TMEM253: variants seen among roughly 807,000 people sequenced by gnomAD.
The protein encoded by TMEM253 is transmembrane protein 253, also known as transmembrane protein C14orf176.
In TMEM253, 22 loss-of-function variants were observed where a neutral mutation model predicts 20.3. The observed-to-expected ratio is 1.08, with a 90% CI of 0.78 to 1.55. The LOEUF (loss-of-function observed/expected upper bound fraction) is 1.55. Among genes scored for constraint, TMEM253 ranks in the 40% most tolerant of loss-of-function variants. The pLI is 0.00. For synonymous variants in TMEM253, 92 were observed against 102.6 expected (o/e 0.90, Z 0.62); for missense variants, 251 against 266.1 (o/e 0.94, Z 0.39).
At chr14:21,099,307 CAAGT>C (rs1889497157), upstream of TMEM253, 2 of 152,248 alleles carry the variant, frequency 1.3e-5, no homozygotes, top group Non-Finnish European at 2.9e-5. Context: ...CCCCCATTTA[CAAGT>C]AAGAAAAATG....
At chr14:21,102,641 C>T (rs1217591437) in exon 6 of TMEM253, 1 of 1,551,478 alleles carries the variant, frequency 6.4e-7, no homozygotes, top group Non-Finnish European at 8.7e-7. Flanking sequence ...AGCATGCTGG[C>T]TTGCTGGTGC....
rs760538899 is a variant in TMEM253, at chr14:21,102,705, G to A, written c.460G>A (p.Ala154Thr). ...AGGGGGAGTGCTGGTCTCAGTGCAC[G>A]CCCTATTCTTGCTGAGCCAGAGGAA... The change falls in exon 6 of 7, where the codon GCC (alanine) becomes ACC (threonine). Residue 154 changes from alanine to threonine, a missense_variant. Ala to Thr is a moderately conservative substitution (Grantham distance 58). Coordinates refer to ENST00000556585, the Ensembl canonical transcript of TMEM253. 83 of 1,551,438 alleles carry A rather than the reference G, an allele frequency of 5.3e-5. No individual in the cohort carries two copies. The highest frequency in any genetic ancestry group is 7.0e-5 in the Non-Finnish European group (80 of 1,146,998).
At chr14:21,102,678 C>T (rs750303957) in exon 6 of TMEM253, 1 of 1,551,524 alleles carries the variant, frequency 6.4e-7, no homozygotes, top group Non-Finnish European at 8.7e-7. Flanking sequence ...GGCCTTCACC[C>T]TAGGGGGAGT....
chr14:21,103,711 T>G (rs1302684694), exon 7 of TMEM253: 1 of 155,778 alleles, frequency 6.4e-6, no homozygotes, highest in African/African-American at 2.4e-5. Flanking sequence ...ATAAAGAGCC[T>G]TCTCTCCGCG....
Position 21,101,731 on chromosome 14 carries a change from G to A in TMEM253, c.109-134G>A, listed in dbSNP as rs1318825914. 27 of 717,930 alleles carry A rather than the reference G, an allele frequency of 3.8e-5. 1 individual carries two copies. The highest frequency in any genetic ancestry group is 3.9e-4 in the Middle Eastern group (1 of 2,544). 44.5% of individuals were successfully genotyped at this position (717,930 alleles called of 1,614,324 possible). ...ATGATACTTAATTTTTAATGATCAC[G>A]TCCTTGCTCTGGGTTGACTGCTTTC... On this transcript the variant is annotated intron_variant, in intron 2 of 6. Transcript: ENST00000556585.
chr14:21,102,551 G>A (rs1490232433), intron 5 of TMEM253, 36 bp downstream of exon 5: 2 of 1,551,670 alleles, frequency 1.3e-6, no homozygotes, highest in South Asian at 1.2e-5. Flanking sequence ...GGAGGATAAG[G>A]AGGCAAGAGG....
At chr14:21,101,434 C>A in exon 2 of TMEM253, 6 of 1,551,516 alleles carry the variant, frequency 3.9e-6, no homozygotes, top group Non-Finnish European at 5.2e-6. Flanking sequence ...GCAGAGTGGG[C>A]ACCTCTTGGT....
chr14:21,101,304 C>A lies in TMEM253; in HGVS notation c.-36-4C>A. On this transcript the variant is annotated splice_polypyrimidine_tract_variant and splice_region_variant and intron_variant, in intron 1 of 6. Coordinates refer to ENST00000556585, the Ensembl canonical transcript of TMEM253. Reference sequence around the variant, plus strand: ...AGACAGAACCTATAACGCATTTTTCCCAGCCTAGGAAGCACCTAATTCTTG... The same window carrying A: ...AGACAGAACCTATAACGCATTTTTCACAGCCTAGGAAGCACCTAATTCTTG... 2 of 1,542,532 alleles carry A rather than the reference C, an allele frequency of 1.3e-6. No individual in the cohort carries two copies. Among genetic ancestry groups the A allele is most frequent in the Non-Finnish European group, 1.8e-6 (2 of 1,140,074 alleles).
exon 6 of TMEM253, chr14:21,102,635 T>G (rs751573160): frequency 6.4e-7 from 1 of 1,551,388 alleles, no homozygotes; most frequent in Non-Finnish European, 8.7e-7. Flanking sequence ...ACCTGCAGCA[T>G]GCTGGCTTGC....
chr14:21,103,074 G>C, intron 6 of TMEM253, 65 bp from the exon 7 acceptor site: 1 of 1,550,400 alleles, frequency 6.4e-7, no homozygotes. Context: ...GGAAGCAGTT[G>C]TTTCTGTCTG....
upstream of TMEM253, chr14:21,098,842 G>T: frequency 7.8e-7 from 1 of 1,287,950 alleles, no homozygotes; most frequent in Non-Finnish European, 1.0e-6. Flanking sequence ...CGCTCTTTCT[G>T]CCCCAACATG....
At chr14:21,101,870 C>G in exon 3 of TMEM253, 1 of 1,551,376 alleles carries the variant, frequency 6.4e-7, no homozygotes, top group Non-Finnish European at 8.7e-7. Context: ...CCCAGGTGAG[C>G]CAGCTATGGC....
exon 4 of TMEM253, chr14:21,102,070 C>T: frequency 6.4e-7 from 1 of 1,551,440 alleles, no homozygotes; most frequent in Non-Finnish European, 8.7e-7. Flanking sequence ...TCAGGGTCTC[C>T]TCACTGGGAC....
At chr14:21,103,326 G>A in exon 7 of TMEM253, 1 of 1,506,986 alleles carries the variant, frequency 6.6e-7, no homozygotes, top group Non-Finnish European at 8.9e-7. Flanking sequence ...GATCCTTCGA[G>A]TCCAATAGGA....
At chr14:21,102,473 G>A (rs1254935849) in exon 5 of TMEM253, 3 of 1,551,594 alleles carry the variant, frequency 1.9e-6, no homozygotes, top group Non-Finnish European at 2.6e-6. Context: ...TGGTCGAGGT[G>A]ATGAAGACAG....
At chr14:21,101,832 GT>G (rs1239568541) in intron 2 of TMEM253, 32 bp from the exon 3 acceptor site, 5 of 1,513,566 alleles carry the variant, frequency 3.3e-6, no homozygotes, top group Middle Eastern at 1.7e-4. Context: ...ATCCCTGACA[GT>G]TCCTCCCCAA....
exon 5 of TMEM253, chr14:21,102,437 C>T: frequency 1.9e-6 from 3 of 1,551,714 alleles, no homozygotes; most frequent in Non-Finnish European, 2.6e-6. Context: ...ACACCTTCAA[C>T]TTGATCTTGG....
intron 2 of TMEM253, 147 bp downstream of exon 2, chr14:21,101,598 C>A: frequency 1.3e-6 from 1 of 774,708 alleles, no homozygotes; most frequent in Non-Finnish European, 2.0e-6. Context: ...TAGAGGAAAA[C>A]ATAGAAATAA....
At chr14:21,103,222 G>C in exon 7 of TMEM253, 2 of 1,551,666 alleles carry the variant, frequency 1.3e-6, no homozygotes, top group South Asian at 1.2e-5. Flanking sequence ...GGGTGGGACA[G>C]CGGGAACAGA....
Sources: gnomAD v4.1 joint callset for allele counts on GRCh38, gnomAD v4.1.1 for gene constraint, MANE v1.5 for transcripts, NCBI Gene and HGNC (gene_info 2026-07-23, HGNC 2026-07-21) for gene names.